Variants in KIAA1549L observed in about 807,000 individuals in gnomAD.
KIAA1549L encodes the protein KIAA1549 like, also known as UPF0606 protein KIAA1549L.
Under a neutral mutation model 160.7 loss-of-function variants are expected in KIAA1549L, and 88 were observed. The observed-to-expected ratio is 0.55, with a 90% confidence interval of 0.46 to 0.65. KIAA1549L has a LOEUF of 0.65. Among genes scored for constraint, KIAA1549L ranks in the 30% least tolerant of loss-of-function variants. The pLI is 0.00. For synonymous variants in KIAA1549L, 950 were observed against 976.7 expected (o/e 0.97, Z 0.51); for missense variants, 2,258 against 2,437.5 (o/e 0.93, Z 1.55).
rs529851181 is a variant in KIAA1549L, at chr11:33,598,826, G to A, written c.4758G>A (p.Ser1586=). The change falls in exon 13 of 21, where the codon TCG becomes TCA. Residue 1586 remains serine, a synonymous_variant. Coordinates refer to ENST00000658780, the MANE Select transcript of KIAA1549L (RefSeq NM_012194.3). ...AKSTETRKSR[S]PSENGSVISN... ...TTGCTATGGTTACCTCCAGCAGGTC[G>A]CCCAGTGAGAATGGCTCTGTCATCA... 1.5e-4 allele frequency: 240 copies of A among 1,613,638 alleles called. 1 individual carries two copies. In the South Asian group the frequency reaches 2.3e-3, roughly 15 times the overall value.
intron 1 of KIAA1549L, among the ~76,000 whole-genome samples, chr11:33,514,160 T>G (rs113616227): frequency 6.6e-6 from 1 of 152,168 alleles, no homozygotes; most frequent in Non-Finnish European, 1.5e-5. Flanking sequence ...TACCTAAAGA[T>G]TGACAACCTG....
chr11:33,434,922 A>G (rs1293320508), intron 1 of KIAA1549L, among the ~76,000 whole-genome samples: 1 of 152,212 alleles, frequency 6.6e-6, no homozygotes, highest in African/African-American at 2.4e-5. Context: ...AGTGTGTTTG[A>G]AAGCCACCAT....
At chr11:33,537,622 C>T (rs1408450949) in intron 1 of KIAA1549L, among the ~76,000 whole-genome samples, 2 of 152,206 alleles carry the variant, frequency 1.3e-5, no homozygotes, top group South Asian at 4.1e-4. Context: ...TAATCTCTCT[C>T]TTTATACCTT....
At chr11:33,464,474 A>ATGTGTGTGTGTGTG (rs3038997) in intron 1 of KIAA1549L, among the ~76,000 whole-genome samples, 41 of 140,194 alleles carry the variant, frequency 2.9e-4, no homozygotes, top group Admixed American at 1.3e-3. Context: ...CTGTGTGTGC[A>ATGTGTGTGTGTGTG]TGTGTGTGTG....
intron 1 of KIAA1549L, among the ~76,000 whole-genome samples, chr11:33,486,441 T>G (rs972808690): frequency 2.0e-5 from 3 of 152,242 alleles, no homozygotes; most frequent in Non-Finnish European, 4.4e-5. Context: ...ATTTGTATGT[T>G]TTTTATTTTG....
At chr11:33,383,803 C>T (rs964941677) in intron 1 of KIAA1549L, among the ~76,000 whole-genome samples, 8 of 152,116 alleles carry the variant, frequency 5.3e-5, no homozygotes, top group African/African-American at 9.7e-5. Context: ...TGCATGGGAC[C>T]GAGGCTCAGG....
chr11:33,630,588 C>G (rs1018210982), intron 16 of KIAA1549L, among the ~76,000 whole-genome samples: 2 of 152,188 alleles, frequency 1.3e-5, no homozygotes, highest in African/African-American at 4.8e-5. Flanking sequence ...AAAGGGAACT[C>G]CCTGACCCTT....
chr11:33,548,396 C>T (rs907918050), intron 4 of KIAA1549L, among the ~76,000 whole-genome samples: 5 of 152,152 alleles, frequency 3.3e-5, no homozygotes, highest in Admixed American at 3.3e-4. Context: ...GAGTCTCTGC[C>T]TCAAAAACAC....
At chr11:33,523,433 A>G (rs538919667) in intron 1 of KIAA1549L, among the ~76,000 whole-genome samples, 2 of 152,360 alleles carry the variant, frequency 1.3e-5, no homozygotes, top group East Asian at 3.9e-4. Flanking sequence ...TTATTGGAAC[A>G]TATGTCTTGA....
At chr11:33,630,157 G>T (rs1851239512) in intron 16 of KIAA1549L, among the ~76,000 whole-genome samples, 1 of 151,952 alleles carries the variant, frequency 6.6e-6, no homozygotes, top group South Asian at 2.1e-4. Flanking sequence ...CCAGCTGCAT[G>T]CTGGGAGGAC....
intron 1 of KIAA1549L, among the ~76,000 whole-genome samples, chr11:33,497,132 A>G (rs1852839939): frequency 6.6e-6 from 1 of 152,016 alleles, no homozygotes; most frequent in African/African-American, 2.4e-5. Flanking sequence ...ACCTCATCTT[A>G]CTTTAGCTTC....
intron 3 of KIAA1549L, among the ~76,000 whole-genome samples, chr11:33,546,207 TAAATG>T (rs1401581486): frequency 2.0e-5 from 3 of 152,192 alleles, no homozygotes; most frequent in African/African-American, 7.2e-5. Context: ...CACAAAGAAT[TAAATG>T]AAATCATATC....
At chr11:33,626,352 G>C (rs1287285748) in intron 16 of KIAA1549L, among the ~76,000 whole-genome samples, 1 of 147,212 alleles carries the variant, frequency 6.8e-6, no homozygotes, top group Non-Finnish European at 1.5e-5. Context: ...ACCTTGGGCA[G>C]TATGGCCATT....
chr11:33,542,674 A>T lies in KIAA1549L; in HGVS notation c.1111A>T (p.Ser371Cys), dbSNP rs1854064517. 6.2e-7 allele frequency: 1 copy of T among 1,613,690 alleles called. No individual in the cohort carries two copies. Among genetic ancestry groups the T allele is most frequent in the African/African-American group, 1.3e-5 (1 of 74,896 alleles). Residue 371 changes from serine (S) to cysteine (C), a missense_variant, in exon 2 of 21, where the codon AGC becomes TGC. Ser to Cys is a moderately radical substitution (Grantham distance 112). Transcript: ENST00000658780. ...AAGTCTTCTTCAGCTTCCAGATGGA[A>T]GCCCCTCATGGTCAATGTTGGAAGT... Reference protein sequence around the residue: ...LGSLLQLPDGSPSWSMLEVAS... With the variant: ...LGSLLQLPDGCPSWSMLEVAS...
Position 33,530,425 on chromosome 11 carries a change from AAAAAAAAAAAAATATATATAT to A in KIAA1549L, c.239-11375_239-11355del, listed in dbSNP as rs1332540185. Among the ~76,000 whole-genome samples, 30 of 39,542 alleles carry A rather than the reference AAAAAAAAAAAAATATATATAT, an allele frequency of 7.6e-4. 1 individual carries two copies. Among genetic ancestry groups the A allele is most frequent in the African/African-American group, 2.5e-3 (28 of 11,290 alleles). 25.9% of individuals were successfully genotyped at this position (39,542 alleles called of 152,430 possible). A position where few individuals can be genotyped will look rare whatever the true frequency, so the allele number is the denominator to read the frequency against. On this transcript the variant is annotated intron_variant, in intron 1 of 20. Transcript: ENST00000658780. ...TAAAGAAGAAGAAGGAAAAAAAAAA[AAAAAAAAAAAAATATATATAT>A]ATATATATATATATATATATATATA...
At position 33,530,431 on chromosome 11, in the gene KIAA1549L, AAAAAAATATATATATATATAT is replaced by A. The variant is rs1333775900; in HGVS notation, c.239-11369_239-11349del. Among the ~76,000 whole-genome samples the A allele has an allele frequency of 1.0e-3, 13 of 12,860 alleles. 1 individual carries two copies. Among genetic ancestry groups the A allele is most frequent in the African/African-American group, 3.2e-3 (13 of 4,012 alleles). 8.4% of individuals were successfully genotyped at this position (12,860 alleles called of 152,430 possible). On this transcript the variant is annotated intron_variant, in intron 1 of 20. Transcript: ENST00000658780. ...AGAAGAAGGAAAAAAAAAAAAAAAA[AAAAAAATATATATATATATAT>A]ATATATATATATATATATATATATA...
chr11:33,467,580 G>T (rs531487342), intron 1 of KIAA1549L, among the ~76,000 whole-genome samples: 2 of 152,334 alleles, frequency 1.3e-5, no homozygotes, highest in African/African-American at 4.8e-5. Flanking sequence ...AGCTACCCTG[G>T]TTATTTGGAC....
intron 1 of KIAA1549L, among the ~76,000 whole-genome samples, chr11:33,437,200 A>G (rs1271025054): frequency 6.6e-6 from 1 of 152,212 alleles, no homozygotes; most frequent in Admixed American, 6.5e-5. Flanking sequence ...CAAACTTTTT[A>G]GAGTACTCTC....
rs1318357713 is a variant in KIAA1549L at position 33,403,378 on chromosome 11, CACAT to C, written c.238+26493_238+26496del. ...ACACACACAGACACATGCAGACAGA[CACAT>C]ACAGGGACACACATGGACATGGACA... On this transcript the variant is annotated intron_variant, in intron 1 of 20. Transcript: ENST00000658780. 1,020 of 147,016 alleles carry C rather than the reference CACAT, an allele frequency of 6.9e-3. 2 individuals carry two copies. The highest frequency in any genetic ancestry group is 0.019 in the African/African-American group (729 of 37,954). The allele number at this position is 147,016 out of a possible 1,614,324, so 9.1% of individuals were successfully genotyped here.
Sources: gnomAD v4.1 joint callset for allele counts (sites outside exome capture counted in the v4.1 genomes callset) on GRCh38, gnomAD v4.1.1 for gene constraint, MANE v1.5 for transcripts, NCBI Gene and HGNC (gene_info 2026-07-23, HGNC 2026-07-21) for gene names.